Variants in IKZF2 observed in about 807,000 individuals in gnomAD.
The protein encoded by IKZF2 is zinc finger protein Helios.
A neutral mutation model predicts 49.2 loss-of-function variants in IKZF2; 15 were observed. The ratio of observed to expected loss-of-function variants is 0.30; its 90% confidence interval spans 0.20 to 0.47. The LOEUF (loss-of-function observed/expected upper bound fraction) is 0.47. Among genes scored for constraint, IKZF2 ranks in the 20% least tolerant of loss-of-function variants. The pLI, the probability that IKZF2 is intolerant of heterozygous loss-of-function variation, is 1.00. For missense variants in IKZF2, 567 were observed against 664.6 expected (o/e 0.85, Z 1.61); for synonymous variants, 227 against 221.4 (o/e 1.03, Z -0.23).
chr2:213,087,380 A>T (rs75488978), intron 4 of IKZF2, among the ~76,000 whole-genome samples: 1,747 of 152,318 alleles, frequency 0.011, 29 homozygotes, highest in African/African-American at 0.04. Flanking sequence ...TGATTTTAAT[A>T]CTTTGTAGTT....
At chr2:213,018,672 ACT>A (rs936881444) in intron 7 of IKZF2, among the ~76,000 whole-genome samples, 7 of 152,076 alleles carry the variant, frequency 4.6e-5, no homozygotes, top group East Asian at 3.9e-4. Flanking sequence ...AGCAGAGAAG[ACT>A]CTGTCTTTGC....
intron 6 of IKZF2, among the ~76,000 whole-genome samples, chr2:213,030,512 G>A (rs1252311059): frequency 2.6e-5 from 4 of 152,168 alleles, no homozygotes; most frequent in Non-Finnish European, 5.9e-5. Flanking sequence ...GTGGGGGGAT[G>A]AATGTTAAAT....
intron 6 of IKZF2, among the ~76,000 whole-genome samples, chr2:213,046,733 G>A (rs1280253826): frequency 1.3e-5 from 2 of 152,138 alleles, no homozygotes; most frequent in Non-Finnish European, 2.9e-5. Flanking sequence ...GGTACAAAAT[G>A]TAATGATATG....
At chr2:213,015,875 G>A (rs979095911) in intron 7 of IKZF2, among the ~76,000 whole-genome samples, 4 of 152,016 alleles carry the variant, frequency 2.6e-5, no homozygotes, top group Non-Finnish European at 5.9e-5. Context: ...TCTGAAATGA[G>A]TAGTCCAAAA....
At chr2:213,133,819 C>A (rs568742909) in intron 4 of IKZF2, among the ~76,000 whole-genome samples, 1 of 152,102 alleles carries the variant, frequency 6.6e-6, no homozygotes, top group South Asian at 2.1e-4. Context: ...ATATTAAGCT[C>A]AAGTTTTGAT....
chr2:213,100,855 T>C (rs1706577536), intron 4 of IKZF2, among the ~76,000 whole-genome samples: 1 of 152,076 alleles, frequency 6.6e-6, no homozygotes, highest in Admixed American at 6.6e-5. Flanking sequence ...TATATTAAAA[T>C]GTTTAGCTTG....
chr2:213,106,656 A>AG (rs397728450), intron 4 of IKZF2, among the ~76,000 whole-genome samples: 47 of 151,232 alleles, frequency 3.1e-4, no homozygotes, highest in African/African-American at 1.1e-3. Flanking sequence ...AAAAAAAAAA[A>AG]GAAAAAAGAA....
intron 4 of IKZF2, among the ~76,000 whole-genome samples, chr2:213,120,960 T>C (rs1470334216): frequency 6.6e-6 from 1 of 152,194 alleles, no homozygotes; most frequent in African/African-American, 2.4e-5. Flanking sequence ...CAAGCTGCTG[T>C]ACTTTAATTA....
intron 4 of IKZF2, among the ~76,000 whole-genome samples, chr2:213,062,119 T>C (rs905862175): frequency 1.3e-5 from 2 of 151,606 alleles, no homozygotes; most frequent in Non-Finnish European, 3.0e-5. Flanking sequence ...CAAATTAAGA[T>C]AATAAATTCT....
chr2:213,040,671 T>C (rs1391340459), intron 6 of IKZF2, among the ~76,000 whole-genome samples: 1 of 152,002 alleles, frequency 6.6e-6, no homozygotes, highest in Admixed American at 6.6e-5. Context: ...TTAGGTATAA[T>C]AAAGAAAGTA....
chr2:213,148,935 A>G (rs1030660230), intron 2 of IKZF2, among the ~76,000 whole-genome samples: 1 of 152,244 alleles, frequency 6.6e-6, no homozygotes, highest in Non-Finnish European at 1.5e-5. Context: ...AAGAAAAAAT[A>G]GGGGGTATAG....
At chr2:213,033,255 C>T (rs996560139) in intron 6 of IKZF2, among the ~76,000 whole-genome samples, 1 of 152,208 alleles carries the variant, frequency 6.6e-6, no homozygotes, top group African/African-American at 2.4e-5. Flanking sequence ...GTTCCTTTAT[C>T]CACTGAAGTC....
intron 4 of IKZF2, among the ~76,000 whole-genome samples, chr2:213,105,816 G>A (rs1331801499): frequency 6.6e-6 from 1 of 152,152 alleles, no homozygotes; most frequent in Non-Finnish European, 1.5e-5. Context: ...CTTCTCTTGT[G>A]AAAATGCTGT....
rs545306733 is a variant in IKZF2, at chr2:213,098,492, C to G, written c.140-41393G>C. Reference sequence around the variant, plus strand: ...CACCCTTACTAATGCCATAAATGGTCCTTCCATCACACCATCTTAATTTCA... The same window carrying G: ...CACCCTTACTAATGCCATAAATGGTGCTTCCATCACACCATCTTAATTTCA... On this transcript the variant is annotated intron_variant, in intron 4 of 8. Coordinates refer to ENST00000434687, the MANE Select transcript of IKZF2 (RefSeq NM_001387220.1). Among the ~76,000 whole-genome samples the G allele has an allele frequency of 3.9e-5, 6 of 152,176 alleles. No homozygotes were observed. In the South Asian group the frequency reaches 1.2e-3, roughly 32 times the overall value.
chr2:213,021,299 A>G (rs1246365907), intron 7 of IKZF2, among the ~76,000 whole-genome samples: 2 of 152,176 alleles, frequency 1.3e-5, no homozygotes, highest in Non-Finnish European at 2.9e-5. Flanking sequence ...TTGTCTTTGT[A>G]TAAATAAAAC....
At chr2:213,114,879 A>G (rs2059819358) in intron 4 of IKZF2, among the ~76,000 whole-genome samples, 1 of 151,720 alleles carries the variant, frequency 6.6e-6, no homozygotes, top group Non-Finnish European at 1.5e-5. Context: ...TAGTGAGCCC[A>G]GATGGTGCCA....
intron 4 of IKZF2, among the ~76,000 whole-genome samples, chr2:213,059,226 C>T (rs553389194): frequency 1.3e-4 from 19 of 151,826 alleles, no homozygotes; most frequent in Admixed American, 5.3e-4. Flanking sequence ...AGTCTTTTCT[C>T]ACTGAATTTA....
At chr2:213,116,739 A>G (rs4672673) in intron 4 of IKZF2, among the ~76,000 whole-genome samples, 56,822 of 152,060 alleles carry the variant, frequency 0.37, 13,228 homozygotes, top group East Asian at 0.73. Flanking sequence ...ACCCTGTCTC[A>G]CACACAAAAA....
At chr2:213,055,206 T>C (rs1701025177) in intron 5 of IKZF2, among the ~76,000 whole-genome samples, 1 of 152,090 alleles carries the variant, frequency 6.6e-6, no homozygotes, top group Non-Finnish European at 1.5e-5. Flanking sequence ...AGTGTTATCT[T>C]CCTTAATACA....
Sources: allele counts gnomAD v4.1 joint callset (sites outside exome capture counted in the v4.1 genomes callset), GRCh38; gene constraint gnomAD v4.1.1; transcripts MANE v1.5; gene names NCBI Gene and HGNC (gene_info 2026-07-23, HGNC 2026-07-21).